Variants in ABCD3 observed in about 807,000 individuals in gnomAD.
The protein encoded by ABCD3 is ATP binding cassette subfamily D member 3, also known as ATP-binding cassette sub-family D member 3.
In ABCD3, 41 loss-of-function variants were observed where a neutral mutation model predicts 105.5. That is an observed-to-expected ratio of 0.39 (90% CI 0.30 to 0.50). ABCD3 has a LOEUF of 0.50. Ranked by LOEUF, ABCD3 falls within the 20% of genes least tolerant of loss-of-function variation. The pLI is 0.84. For synonymous variants in ABCD3, 258 were observed against 269.0 expected (o/e 0.96, Z 0.40); for missense variants, 622 against 806.3 (o/e 0.77, Z 2.77).
At chr1:94,449,083 A>G (rs1271114918) in intron 1 of ABCD3, among the ~76,000 whole-genome samples, 5 of 152,228 alleles carry the variant, frequency 3.3e-5, no homozygotes, top group Non-Finnish European at 5.9e-5. Context: ...AGGTAAAATA[A>G]TAACTTGGGG....
At chr1:94,507,652 G>A (rs1046124975) in intron 21 of ABCD3, among the ~76,000 whole-genome samples, 1 of 152,236 alleles carries the variant, frequency 6.6e-6, no homozygotes, top group East Asian at 1.9e-4. Flanking sequence ...TCCAGCACCT[G>A]TTGTTTCCTG....
intron 1 of ABCD3, among the ~76,000 whole-genome samples, chr1:94,456,887 C>T (rs1415390839): frequency 1.3e-5 from 2 of 152,120 alleles, no homozygotes; most frequent in African/African-American, 4.8e-5. Context: ...CAAGTGTTCT[C>T]TTTTCTCCAC....
intron 22 of ABCD3, 104 bp downstream of exon 22, chr1:94,515,306 CAT>C: frequency 1.1e-6 from 1 of 940,990 alleles, no homozygotes; most frequent in Non-Finnish European, 1.7e-6. Flanking sequence ...TTCCCTTAAA[CAT>C]ATGTCTTAAG....
intron 1 of ABCD3, among the ~76,000 whole-genome samples, chr1:94,424,018 A>G (rs1207319540): frequency 1.3e-5 from 2 of 152,154 alleles, no homozygotes; most frequent in East Asian, 3.9e-4. Flanking sequence ...ACAGTTACCC[A>G]TGAGTAGATG....
intron 5 of ABCD3, among the ~76,000 whole-genome samples, chr1:94,474,478 G>A (rs974717823): frequency 2.0e-4 from 31 of 152,214 alleles, no homozygotes; most frequent in Non-Finnish European, 4.4e-5. Context: ...AAAATGAGAA[G>A]CTTGGTTGTA....
intron 9 of ABCD3, 53 bp downstream of exon 9, chr1:94,480,659 A>G (rs982957113): frequency 1.1e-5 from 18 of 1,597,078 alleles, no homozygotes; most frequent in Non-Finnish European, 1.4e-5. Context: ...ATGGATATTG[A>G]TGTCATTTAA....
Position 94,468,023 on chromosome 1 carries a change from C to A in ABCD3, c.335+16C>A. 1.3e-6 allele frequency: 2 copies of A among 1,545,602 alleles called. No homozygotes were observed. Among genetic ancestry groups the A allele is most frequent in the Non-Finnish European group, 1.8e-6 (2 of 1,118,044 alleles). The stretch of plus-strand genomic sequence containing the variant: ...TAATTGAAAGGTACTTTTTCAATCA[C>A]CTTCCTCCTATATGTATGAAATGCT... On this transcript the variant is annotated intron_variant, in intron 4 of 22. Transcript: ENST00000370214.
At chr1:94,392,895 C>T in the ABCD3 span, among the ~76,000 whole-genome samples, 23 of 152,050 alleles carry the variant, frequency 1.5e-4, no homozygotes, top group East Asian at 4.1e-3. Context: ...AGGCAGATCA[C>T]GAGGTCAAGA....
chr1:94,438,747 A>G (rs1404267422), intron 1 of ABCD3, among the ~76,000 whole-genome samples: 3 of 152,218 alleles, frequency 2.0e-5, no homozygotes, highest in Non-Finnish European at 2.9e-5. Flanking sequence ...TTTTAGCAAT[A>G]AAGTATTTTA....
At chr1:94,474,433 C>T (rs1233852098) in intron 5 of ABCD3, among the ~76,000 whole-genome samples, 4 of 151,928 alleles carry the variant, frequency 2.6e-5, no homozygotes, top group South Asian at 2.1e-4. Context: ...ATTTTCTTGG[C>T]GCTGTAAGAA....
chr1:94,508,401 A>T (rs1210518587), intron 21 of ABCD3, among the ~76,000 whole-genome samples: 2 of 152,006 alleles, frequency 1.3e-5, no homozygotes, highest in Admixed American at 6.6e-5. Context: ...GTAGCCTTGT[A>T]GTATGGTTTG....
chr1:94,456,255 ATTTTTTTTTTTTTTTTTTTTTTTT>A (rs71094301), intron 1 of ABCD3, among the ~76,000 whole-genome samples: 4 of 44,892 alleles, frequency 8.9e-5, no homozygotes, highest in African/African-American at 3.6e-4. Context: ...AAATGACAGA[ATTTTTTTTTTTTTTTTTTTTTTTT>A]TTTTTTTTTT....
At chr1:94,435,496 A>G (rs1212187067) in intron 1 of ABCD3, among the ~76,000 whole-genome samples, 1 of 152,202 alleles carries the variant, frequency 6.6e-6, no homozygotes, top group Admixed American at 6.5e-5. Context: ...GGCACCATGC[A>G]TTCCAGCCTG....
intron 10 of ABCD3, among the ~76,000 whole-genome samples, chr1:94,487,202 G>A (rs1364157108): frequency 1.3e-5 from 2 of 152,128 alleles, no homozygotes; most frequent in South Asian, 2.1e-4. Flanking sequence ...TTTTGCTTTC[G>A]TTGTTGTCCT....
chr1:94,512,258 CT>C (rs1258220440), intron 21 of ABCD3, among the ~76,000 whole-genome samples: 1 of 151,822 alleles, frequency 6.6e-6, no homozygotes, highest in East Asian at 1.9e-4. Flanking sequence ...TCCCTTTTTC[CT>C]TTTTTTCCTT....
chr1:94,397,607 C>T, the ABCD3 span, among the ~76,000 whole-genome samples: 1 of 152,160 alleles, frequency 6.6e-6, no homozygotes, highest in African/African-American at 2.4e-5. Context: ...AACATGTGCT[C>T]ATCAATTTCT....
chr1:94,512,392 A>G (rs1021297540), intron 21 of ABCD3, among the ~76,000 whole-genome samples: 1 of 151,830 alleles, frequency 6.6e-6, no homozygotes, highest in Non-Finnish European at 1.5e-5. Context: ...AATTCTCTTT[A>G]TATATGGGAA....
At position 94,498,593 on chromosome 1, in the gene ABCD3, T is replaced by C. The variant is rs767442960; in HGVS notation, c.1387-9T>C. On this transcript the variant is annotated splice_polypyrimidine_tract_variant and intron_variant, in intron 16 of 22. Coordinates refer to ENST00000370214, the MANE Select transcript of ABCD3 (RefSeq NM_002858.4). The stretch of plus-strand genomic sequence containing the variant: ...TTACTTCACAGACTGATTTTTTTTT[T>C]TTTTTCAGGTTCGATCTGGGGCTAA... 2.5e-6 allele frequency: 4 copies of C among 1,613,494 alleles called. No individual in the cohort carries two copies. Among genetic ancestry groups the C allele is most frequent in the African/African-American group, 1.3e-5 (1 of 74,864 alleles).
chr1:94,516,498 C>A (rs926907450), intron 22 of ABCD3, among the ~76,000 whole-genome samples: 2 of 151,808 alleles, frequency 1.3e-5, no homozygotes, highest in Non-Finnish European at 2.9e-5. Flanking sequence ...GAATTGAGAG[C>A]ATTTGGGTTT....
Sources: gnomAD v4.1 joint callset for allele counts (sites outside exome capture counted in the v4.1 genomes callset) on GRCh38, gnomAD v4.1.1 for gene constraint, MANE v1.5 for transcripts, NCBI Gene and HGNC (gene_info 2026-07-23, HGNC 2026-07-21) for gene names.